NTM: variants seen among roughly 807,000 people sequenced by gnomAD.
The protein encoded by NTM is neurotrimin, also known as IgLON family member 2.
In NTM, 13 loss-of-function variants were observed where a neutral mutation model predicts 42.1. The observed-to-expected ratio is 0.31, with a 90% CI of 0.20 to 0.49. The LOEUF is 0.49. Among genes scored for constraint, NTM ranks in the 20% least tolerant of loss-of-function variants. The pLI is 0.99. For synonymous variants in NTM, 187 were observed against 179.2 expected (o/e 1.04, Z -0.35); for missense variants, 373 against 452.8 (o/e 0.82, Z 1.60).
chr11:131,994,016 AAAAGAAG>A (rs1156533635), intron 2 of NTM, among the ~76,000 whole-genome samples: 2,222 of 137,204 alleles, frequency 0.016, 52 homozygotes, highest in African/African-American at 0.057. Context: ...AAAAAAAAAA[AAAAGAAG>A]AAGAAGAAGA....
intron 2 of NTM, among the ~76,000 whole-genome samples, chr11:132,111,895 G>T (rs1194552152): frequency 6.6e-6 from 1 of 152,254 alleles, no homozygotes; most frequent in Non-Finnish European, 1.5e-5. Context: ...GAGGTTGTCA[G>T]TGATTCGTGC....
At chr11:132,196,167 A>G (rs555770939) in intron 3 of NTM, among the ~76,000 whole-genome samples, 1 of 152,320 alleles carries the variant, frequency 6.6e-6, no homozygotes, top group Admixed American at 6.5e-5. Context: ...AACAAGACAT[A>G]CATGTGGCTA....
chr11:131,426,157 T>C (rs1165618983), intron 1 of NTM, among the ~76,000 whole-genome samples: 1 of 152,182 alleles, frequency 6.6e-6, no homozygotes, highest in Non-Finnish European at 1.5e-5. Flanking sequence ...AGAGGTCATC[T>C]TTCCCTTCAG....
In NTM at chr11:131,672,451, C is replaced by T. The variant is rs566507036; in HGVS notation, c.83-239113C>T. On this transcript the variant is annotated intron_variant, in intron 1 of 8. Coordinates refer to ENST00000683400, the MANE Select transcript of NTM (RefSeq NM_001352005.2). ...TGAGCGCTGTGTGGCTCTGCAGCTC[C>T]GAGGAAACCGCATCAGACACCCCGA... 1.1e-4 allele frequency among the ~76,000 whole-genome samples: 16 copies of T among 152,278 alleles called. No individual in the cohort carries two copies. In the South Asian group the frequency reaches 2.9e-3, roughly 28 times the overall value.
At chr11:131,689,194 A>G (rs2074340587) in intron 1 of NTM, among the ~76,000 whole-genome samples, 1 of 152,174 alleles carries the variant, frequency 6.6e-6, no homozygotes, top group African/African-American at 2.4e-5. Context: ...GAGCCAGTGC[A>G]CTGCCTGTGG....
intron 1 of NTM, among the ~76,000 whole-genome samples, chr11:131,577,553 T>C (rs1429577172): frequency 3.9e-5 from 6 of 152,236 alleles, no homozygotes; most frequent in Non-Finnish European, 8.8e-5. Flanking sequence ...TGCATTTCAC[T>C]TTTTCAAGAA....
At chr11:131,721,840 T>C (rs1181911639) in intron 1 of NTM, among the ~76,000 whole-genome samples, 2 of 151,356 alleles carry the variant, frequency 1.3e-5, no homozygotes, top group Non-Finnish European at 2.9e-5. Context: ...CTACTAAAAA[T>C]GCAAAAAAAT....
intron 1 of NTM, among the ~76,000 whole-genome samples, chr11:131,566,851 A>G (rs2056945697): frequency 6.6e-6 from 1 of 152,182 alleles, no homozygotes; most frequent in South Asian, 2.1e-4. Context: ...TCTTGTTTGC[A>G]GATTATTTTC....
chr11:132,062,496 CT>C (rs67319928), intron 2 of NTM, among the ~76,000 whole-genome samples: 98,714 of 148,610 alleles, frequency 0.66, 33,604 homozygotes, highest in African/African-American at 0.82. Context: ...AAGAGATAGG[CT>C]TTTTTTTTTT....
At chr11:131,674,076 CAT>C (rs1231805966) in intron 1 of NTM, among the ~76,000 whole-genome samples, 2 of 152,216 alleles carry the variant, frequency 1.3e-5, no homozygotes, top group Non-Finnish European at 2.9e-5. Context: ...ATGGAAAAAA[CAT>C]ACACACACAG....
intron 1 of NTM, among the ~76,000 whole-genome samples, chr11:131,381,874 G>A (rs774397505): frequency 6.6e-6 from 1 of 152,142 alleles, no homozygotes; most frequent in Non-Finnish European, 1.5e-5. Flanking sequence ...TCAGAATAGG[G>A]CAAGTTCATC....
chr11:131,836,639 G>A (rs1440538157), intron 1 of NTM, among the ~76,000 whole-genome samples: 1 of 152,138 alleles, frequency 6.6e-6, no homozygotes, highest in Non-Finnish European at 1.5e-5. Flanking sequence ...ATGAGTGGTT[G>A]GACCTTTACT....
chr11:131,495,353 G>A (rs318964), intron 1 of NTM, among the ~76,000 whole-genome samples: 2 of 152,306 alleles, frequency 1.3e-5, no homozygotes, highest in South Asian at 2.1e-4. Context: ...TGCAGATTGC[G>A]TGTTTTTGCT....
At chr11:131,902,963 T>C (rs989160788) in intron 1 of NTM, among the ~76,000 whole-genome samples, 20 of 152,192 alleles carry the variant, frequency 1.3e-4, no homozygotes, top group African/African-American at 4.6e-4. Context: ...CCTAAATGGC[T>C]TATCTGAGAA....
intron 1 of NTM, among the ~76,000 whole-genome samples, chr11:131,674,075 A>G (rs1378913180): frequency 6.6e-6 from 1 of 152,254 alleles, no homozygotes; most frequent in South Asian, 2.1e-4. Context: ...CATGGAAAAA[A>G]CATACACACA....
intron 1 of NTM, among the ~76,000 whole-genome samples, chr11:131,908,363 C>T (rs1348153107): frequency 5.3e-5 from 8 of 152,172 alleles, no homozygotes; most frequent in Admixed American, 1.3e-4. Context: ...TATATGTAGG[C>T]CCCTCGGGAA....
intron 1 of NTM, among the ~76,000 whole-genome samples, chr11:131,553,492 C>T (rs1324626578): frequency 6.6e-6 from 1 of 152,096 alleles, no homozygotes; most frequent in Admixed American, 6.5e-5. Context: ...ACAGCACCAT[C>T]CCATTCTAGA....
intron 1 of NTM, among the ~76,000 whole-genome samples, chr11:131,779,837 T>C (rs2087732020): frequency 6.6e-6 from 1 of 152,132 alleles, no homozygotes; most frequent in Non-Finnish European, 1.5e-5. Flanking sequence ...TGGGTAAGAA[T>C]GGTGAAAAGG....
intron 1 of NTM, among the ~76,000 whole-genome samples, chr11:131,594,253 G>T (rs2059626360): frequency 6.6e-6 from 1 of 152,170 alleles, no homozygotes. Flanking sequence ...AAGTCCTGTA[G>T]ATTTTTTGAA....
Sources: allele counts gnomAD v4.1 joint callset (sites outside exome capture counted in the v4.1 genomes callset), GRCh38; gene constraint gnomAD v4.1.1; transcripts MANE v1.5; gene names NCBI Gene and HGNC (gene_info 2026-07-23, HGNC 2026-07-21).